ABHD6: variants seen among roughly 807,000 people sequenced by gnomAD.
ABHD6 encodes the protein monoacylglycerol lipase ABHD6.
Under a neutral mutation model 38.8 loss-of-function variants are expected in ABHD6, and 33 were observed. The observed-to-expected ratio is 0.85, with a 90% confidence interval of 0.64 to 1.14. The LOEUF (loss-of-function observed/expected upper bound fraction) is 1.14, where lower values mean the gene tolerates loss of function less well. Among genes scored for constraint, ABHD6 ranks in the 50% most tolerant of loss-of-function variants. The pLI is 0.00. For synonymous variants in ABHD6, 147 were observed against 161.6 expected, an observed-to-expected ratio of 0.91 and a Z score of 0.69; for missense variants, 380 against 422.6, an observed-to-expected ratio of 0.90 and a Z score of 0.88.
chr3:58,286,871 T>TATATATATATATATATATAG (rs2097457762), intron 9 of ABHD6, among the ~76,000 whole-genome samples: 1 of 128,730 alleles, frequency 7.8e-6, no homozygotes, highest in African/African-American at 3.1e-5. Context: ...TATATATATG[T>TATATATATATATATATATAG]ATATGTATAT....
chr3:58,289,690 C>T (rs932413346), intron 9 of ABHD6, among the ~76,000 whole-genome samples: 1 of 152,248 alleles, frequency 6.6e-6, no homozygotes. Context: ...CCACCTTTCC[C>T]CCCTTTCTAT....
At chr3:58,254,783 ATATT>A (rs2097432116) in intron 2 of ABHD6, among the ~76,000 whole-genome samples, 1 of 150,254 alleles carries the variant, frequency 6.7e-6, no homozygotes, top group African/African-American at 2.4e-5. Context: ...CTTGAAATAT[ATATT>A]TATTATATAT....
At chr3:58,281,317 C>G (rs189047679) in intron 7 of ABHD6, among the ~76,000 whole-genome samples, 119 of 152,358 alleles carry the variant, frequency 7.8e-4, no homozygotes, top group African/African-American at 2.7e-3. Flanking sequence ...CGCCCCTCCC[C>G]CAGCCAGGCT....
At chr3:58,282,072 A>C (rs2107469219) in intron 7 of ABHD6, among the ~76,000 whole-genome samples, 1 of 152,350 alleles carries the variant, frequency 6.6e-6, no homozygotes, top group South Asian at 2.1e-4. Context: ...ATAGGCTCTG[A>C]AAAACAGTGT....
Position 58,293,799 on chromosome 3 carries a change from A to G in ABHD6, c.*34A>G, listed in dbSNP as rs1365667255. 1.2e-6 allele frequency: 2 copies of G among 1,600,458 alleles called. No homozygotes were observed. The highest frequency in any genetic ancestry group is 1.1e-5 in the South Asian group (1 of 90,354). ...CTGCAGCCTGCATTCTGCACACAGC[A>G]TCTGCTCCCATCCCCCAAGTCTGAC... On this transcript the variant is annotated 3_prime_UTR_variant, in exon 10 of 10. Coordinates refer to ENST00000478253, the MANE Select transcript of ABHD6 (RefSeq NM_001320126.2). The surrounding 1 kb of genome is among the most constrained non-coding windows in gnomAD (Gnocchi z 4.4).
rs1439304913 is a variant in ABHD6, at chr3:58,257,750, T to G, written c.119+1045T>G. 6.6e-6 allele frequency among the ~76,000 whole-genome samples: 1 copy of G among 152,174 alleles called. No homozygotes were observed. Among genetic ancestry groups the G allele is most frequent in the African/African-American group, 2.4e-5 (1 of 41,448 alleles). ...ACAAGAAAGACCAGAACCATTGAGA[T>G]GGCATGTTTAGGACAGAATGCTTTT... On this transcript the variant is annotated intron_variant, in intron 3 of 9. Coordinates refer to ENST00000478253, the MANE Select transcript of ABHD6 (RefSeq NM_001320126.2). The surrounding 1 kb of genome is among the most constrained non-coding windows in gnomAD (Gnocchi z 4.8).
chr3:58,272,606 G>A (rs948740359), intron 6 of ABHD6, among the ~76,000 whole-genome samples: 1 of 152,104 alleles, frequency 6.6e-6, no homozygotes, highest in Non-Finnish European at 1.5e-5. Context: ...ATAATAATAA[G>A]TTTGAGAATT....
chr3:58,262,976 G>A (rs1294309021), intron 3 of ABHD6, among the ~76,000 whole-genome samples: 1 of 152,206 alleles, frequency 6.6e-6, no homozygotes, highest in Non-Finnish European at 1.5e-5. Context: ...TTGGAAGGCC[G>A]AGGTGGGTAG....
At chr3:58,286,104 C>T (rs2097456767) in intron 9 of ABHD6, among the ~76,000 whole-genome samples, 1 of 151,994 alleles carries the variant, frequency 6.6e-6, no homozygotes, top group African/African-American at 2.4e-5. Context: ...ACTGCAAGCT[C>T]TGCCTCCTGG....
intron 1 of ABHD6, among the ~76,000 whole-genome samples, chr3:58,246,389 C>T (rs2097426405): frequency 1.3e-5 from 2 of 152,190 alleles, no homozygotes; most frequent in Non-Finnish European, 2.9e-5. Context: ...AAAAGCTGTA[C>T]CACAGGATAC....
intron 1 of ABHD6, 128 bp from the exon 2 acceptor site, chr3:58,249,750 C>G (rs2097428741): frequency 6.6e-6 from 1 of 152,262 alleles, no homozygotes; most frequent in Admixed American, 6.5e-5. Flanking sequence ...GCTGTTTGTA[C>G]TTTGCCTGTG....
chr3:58,286,418 A>T (rs1687075496), intron 9 of ABHD6, among the ~76,000 whole-genome samples: 2 of 152,012 alleles, frequency 1.3e-5, no homozygotes, highest in African/African-American at 4.8e-5. Context: ...AGCCTCCCAA[A>T]GTGCTGGGAT....
In ABHD6 at chr3:58,267,229, C is replaced by G. The variant is rs139431099; in HGVS notation, c.160C>G (p.His54Asp). The G allele has an allele frequency of 1.9e-6, 3 of 1,614,182 alleles. No homozygotes were observed. Among genetic ancestry groups the G allele is most frequent in the Non-Finnish European group, 1.7e-6 (2 of 1,180,030 alleles). ...RTLGMQVRYV[H>D]HEDYQFCYSF... Reference sequence around the variant, plus strand: ...ATTGGGCATGCAAGTCCGCTATGTTCACCATGAAGACTATCAGTTCTGTTA... The same window carrying G: ...ATTGGGCATGCAAGTCCGCTATGTTGACCATGAAGACTATCAGTTCTGTTA... Residue 54 changes from histidine to aspartate, a missense_variant, in exon 4 of 10, where the codon CAC (histidine) becomes GAC (aspartate). Transcript: ENST00000478253. This position sits in a 1 kb window ranked among gnomAD's most constrained non-coding sequence, Gnocchi z 4.3.
At chr3:58,286,792 G>C in intron 9 of ABHD6, among the ~76,000 whole-genome samples, 1 of 140,976 alleles carries the variant, frequency 7.1e-6, no homozygotes, top group Middle Eastern at 3.3e-3. Flanking sequence ...GATATATATA[G>C]GTGTGCATAT....
At position 58,256,459 on chromosome 3, in the gene ABHD6, T is replaced by C. The variant is rs966550958; in HGVS notation, c.-25-103T>C. The C allele has an allele frequency of 1.5e-6, 1 of 677,312 alleles. No individual in the cohort carries two copies. Among genetic ancestry groups the C allele is most frequent in the East Asian group, 2.7e-5 (1 of 36,400 alleles). 42.0% of individuals were successfully genotyped at this position (677,312 alleles called of 1,614,324 possible). On this transcript the variant is annotated intron_variant, in intron 2 of 9. Transcript: ENST00000478253. The surrounding 1 kb of genome is among the most constrained non-coding windows in gnomAD (Gnocchi z 4.3). Reference sequence around the variant, plus strand: ...CCTGCTTTGGTTTCCTCCTGTTCTTTACCCTCACTCTGGGAACTTCACTTT... The same window carrying C: ...CCTGCTTTGGTTTCCTCCTGTTCTTCACCCTCACTCTGGGAACTTCACTTT...
intron 3 of ABHD6, among the ~76,000 whole-genome samples, chr3:58,261,032 C>T (rs747313905): frequency 5.3e-5 from 8 of 152,130 alleles, no homozygotes; most frequent in Non-Finnish European, 8.8e-5. Context: ...AGAGCCACAC[C>T]GGGGATGCTG....
intron 3 of ABHD6, among the ~76,000 whole-genome samples, chr3:58,260,064 C>G (rs2097435950): frequency 6.6e-6 from 1 of 152,216 alleles, no homozygotes. Flanking sequence ...TGTATATATA[C>G]AGTTTGTTCA....
intron 2 of ABHD6, among the ~76,000 whole-genome samples, chr3:58,252,229 GTTTTTT>G (rs10671892): frequency 4.9e-5 from 4 of 80,966 alleles, no homozygotes; most frequent in Admixed American, 1.8e-4. Flanking sequence ...TTGACTGCTT[GTTTTTT>G]TTTTTTTTTT....
At chr3:58,258,683 G>C (rs1170872147) in intron 3 of ABHD6, 1 of 175,912 alleles carries the variant, frequency 5.7e-6, no homozygotes, top group Non-Finnish European at 1.3e-5. Flanking sequence ...TCTGTACGTA[G>C]AAGAGTCCAG....
Sources: allele counts gnomAD v4.1 joint callset (sites outside exome capture counted in the v4.1 genomes callset), GRCh38; gene constraint gnomAD v4.1.1; non-coding constraint Gnocchi (gnomAD v3.1); transcripts MANE v1.5; gene names NCBI Gene and HGNC (gene_info 2026-07-23, HGNC 2026-07-21).